Variants in MECOM observed in about 807,000 individuals in gnomAD.
The protein encoded by MECOM is MDS1 and EVI1 complex locus.
Under a neutral mutation model 116.3 loss-of-function variants are expected in MECOM, and 13 were observed. The ratio of observed to expected loss-of-function variants is 0.11; its 90% CI spans 0.07 to 0.18. MECOM has a LOEUF of 0.18. MECOM is among the 10% of genes least tolerant of loss of function. The pLI is 1.00. For synonymous variants in MECOM, 528 were observed against 535.2 expected (o/e 0.99, Z 0.19); for missense variants, 1,299 against 1,509.0 (o/e 0.86, Z 2.31).
intron 1 of MECOM, among the ~76,000 whole-genome samples, chr3:169,575,672 G>C (rs1318501269): frequency 6.6e-6 from 1 of 152,184 alleles, no homozygotes; most frequent in East Asian, 1.9e-4. Flanking sequence ...CATCCAGCTG[G>C]GAAAGGAAGA....
intron 1 of MECOM, among the ~76,000 whole-genome samples, chr3:169,550,375 C>A (rs1287306826): frequency 6.6e-6 from 1 of 152,206 alleles, no homozygotes; most frequent in Non-Finnish European, 1.5e-5. Flanking sequence ...ATTTACACAG[C>A]AGGTAAACAA....
At chr3:169,321,095 A>C (rs1025911527) in intron 2 of MECOM, among the ~76,000 whole-genome samples, 2 of 152,290 alleles carry the variant, frequency 1.3e-5, no homozygotes, top group Admixed American at 6.5e-5. Context: ...GAAGGCCACC[A>C]CTCTAATATA....
At position 169,115,811 on chromosome 3, in the gene MECOM, T is replaced by C. The variant is rs986048233; in HGVS notation, c.2061A>G (p.Gly687=). 1 of 1,614,048 alleles carries C rather than the reference T, an allele frequency of 6.2e-7. No homozygotes were observed. The highest frequency in any genetic ancestry group is 1.7e-5 in the Admixed American group (1 of 60,010). Residue 687 remains glycine, a synonymous_variant, in exon 8 of 17, where the codon GGA becomes GGG. Transcript: ENST00000651503. ...GAAACATGGAAGGGTAAGGTAAAGC[T>C]CCAACTTTTTTGTCTTGCAGCCCCA... is the stretch of plus-strand genomic sequence containing the variant. The part of the protein sequence containing the change: ...GLVGLQDKKV[G]ALPYPSMFPL...
At chr3:169,610,527 G>GTGTATA (rs946098201) in intron 1 of MECOM, among the ~76,000 whole-genome samples, 87 of 151,088 alleles carry the variant, frequency 5.8e-4, no homozygotes, top group South Asian at 1.5e-3. Context: ...GTGTGTGTGT[G>GTGTATA]TATAATATCC....
intron 2 of MECOM, among the ~76,000 whole-genome samples, chr3:169,273,041 T>G (rs758668479): frequency 6.6e-6 from 1 of 151,986 alleles, no homozygotes; most frequent in African/African-American, 2.4e-5. Flanking sequence ...CACAGAAATA[T>G]GAAAAACAGG....
chr3:169,526,157 G>A (rs1416190053), intron 1 of MECOM, among the ~76,000 whole-genome samples: 1 of 152,042 alleles, frequency 6.6e-6, no homozygotes, highest in Admixed American at 6.6e-5. Context: ...GAATTAGATT[G>A]GATTTGAAAT....
At chr3:169,561,092 TTTAA>T (rs1467801751) in intron 1 of MECOM, among the ~76,000 whole-genome samples, 1 of 151,636 alleles carries the variant, frequency 6.6e-6, no homozygotes, top group Non-Finnish European at 1.5e-5. Flanking sequence ...TCAGAAAAAT[TTTAA>T]TTAAATTAAA....
chr3:169,149,356 T>C (rs1362851938), intron 2 of MECOM: 5 of 175,228 alleles, frequency 2.9e-5, no homozygotes, highest in Admixed American at 1.8e-4. Flanking sequence ...TCTGGAATCA[T>C]TGGCAGGTCC....
At chr3:169,217,862 C>T (rs1386761361) in intron 2 of MECOM, among the ~76,000 whole-genome samples, 3 of 147,424 alleles carry the variant, frequency 2.0e-5, no homozygotes, top group Non-Finnish European at 1.5e-5. Flanking sequence ...ATATATAATC[C>T]CCATAATTTC....
intron 2 of MECOM, among the ~76,000 whole-genome samples, chr3:169,238,649 T>C (rs548150153): frequency 6.6e-6 from 1 of 152,152 alleles, no homozygotes; most frequent in East Asian, 1.9e-4. Flanking sequence ...AAATATCCCC[T>C]GGACTCTCTT....
At chr3:169,472,556 AAG>A (rs1491555400) in intron 1 of MECOM, among the ~76,000 whole-genome samples, 2 of 80,778 alleles carry the variant, frequency 2.5e-5, no homozygotes, top group Non-Finnish European at 4.5e-5. Context: ...AGGAAAAGAA[AAG>A]AGAGGAGAGG....
At chr3:169,388,165 G>A (rs888359318) in intron 1 of MECOM, among the ~76,000 whole-genome samples, 2 of 152,074 alleles carry the variant, frequency 1.3e-5, no homozygotes. Flanking sequence ...GAGCACATGA[G>A]CACAAGTCCA....
At chr3:169,330,188 G>A (rs1386937239) in intron 2 of MECOM, among the ~76,000 whole-genome samples, 2 of 152,102 alleles carry the variant, frequency 1.3e-5, no homozygotes, top group African/African-American at 4.8e-5. Flanking sequence ...ACCACGACCA[G>A]CTAATTTTTT....
At chr3:169,264,013 G>C (rs1441736264) in intron 2 of MECOM, among the ~76,000 whole-genome samples, 1 of 152,080 alleles carries the variant, frequency 6.6e-6, no homozygotes, top group Admixed American at 6.6e-5. Flanking sequence ...CTAATTAGTA[G>C]ATAGAATAGG....
At chr3:169,272,587 A>G (rs186516513) in intron 2 of MECOM, among the ~76,000 whole-genome samples, 41 of 152,324 alleles carry the variant, frequency 2.7e-4, no homozygotes, top group Admixed American at 2.4e-3. Context: ...ACGTTTTCTG[A>G]CATGGTCCTG....
At chr3:169,640,808 C>T (rs1773377720) in intron 1 of MECOM, among the ~76,000 whole-genome samples, 1 of 152,162 alleles carries the variant, frequency 6.6e-6, no homozygotes. Context: ...TCCCATAAAT[C>T]AAGGTTTGCC....
intron 2 of MECOM, chr3:169,146,560 C>A (rs1305365983): frequency 2.9e-6 from 4 of 1,376,242 alleles, no homozygotes; most frequent in Non-Finnish European, 3.9e-6. Context: ...GGCTTAGCAA[C>A]GTAGATAAGC....
chr3:169,277,904 C>T (rs914109237), intron 2 of MECOM, among the ~76,000 whole-genome samples: 7 of 152,196 alleles, frequency 4.6e-5, no homozygotes, highest in Admixed American at 6.5e-5. Context: ...TCCAGAAAAG[C>T]GCAAATCCAT....
At chr3:169,421,406 T>A (rs1739706732) in intron 1 of MECOM, among the ~76,000 whole-genome samples, 1 of 152,152 alleles carries the variant, frequency 6.6e-6, no homozygotes, top group Non-Finnish European at 1.5e-5. Context: ...CTAAATGACA[T>A]TTTTCCTTTC....
Sources: allele counts gnomAD v4.1 joint callset (sites outside exome capture counted in the v4.1 genomes callset), GRCh38; gene constraint gnomAD v4.1.1; transcripts MANE v1.5; gene names NCBI Gene and HGNC (gene_info 2026-07-23, HGNC 2026-07-21).